Variants in GRID2 observed in about 807,000 individuals in gnomAD.
GRID2 encodes the protein glutamate receptor ionotropic, delta-2.
GRID2 carries 33 observed loss-of-function variants against 114.8 expected under a neutral mutation model. That is an observed-to-expected ratio of 0.29 (90% CI 0.22 to 0.38). The LOEUF is 0.38. Ranked by LOEUF, GRID2 falls within the 10% of genes least tolerant of loss-of-function variation. The pLI is 1.00. For synonymous variants in GRID2, 505 were observed against 449.9 expected (o/e 1.12, Z -1.55); for missense variants, 1,184 against 1,257.7 (o/e 0.94, Z 0.89).
intron 2 of GRID2, among the ~76,000 whole-genome samples, chr4:92,864,878 G>A (rs1343397641): frequency 2.0e-5 from 3 of 152,098 alleles, no homozygotes; most frequent in Admixed American, 1.3e-4. Context: ...ATTGAAAATA[G>A]CATTGCTTTA....
At chr4:92,743,645 CCT>C (rs376026020) in intron 2 of GRID2, among the ~76,000 whole-genome samples, 4 of 152,154 alleles carry the variant, frequency 2.6e-5, no homozygotes, top group African/African-American at 9.6e-5. Flanking sequence ...ATTGGATCTT[CCT>C]CTCTCAAAGA....
intron 14 of GRID2, among the ~76,000 whole-genome samples, chr4:93,644,010 T>G (rs1721861405): frequency 1.1e-5 from 1 of 91,610 alleles, no homozygotes; most frequent in South Asian, 3.6e-4. Context: ...GGATATAGTC[T>G]CGTGGTGCGC....
chr4:93,650,274 T>C (rs567432920), intron 14 of GRID2, among the ~76,000 whole-genome samples: 17 of 152,310 alleles, frequency 1.1e-4, no homozygotes, highest in African/African-American at 4.1e-4. Context: ...AATCATCAGA[T>C]GTTAACTCAA....
At chr4:92,661,950 T>C (rs1488510720) in intron 2 of GRID2, among the ~76,000 whole-genome samples, 1 of 151,082 alleles carries the variant, frequency 6.6e-6, no homozygotes, top group Non-Finnish European at 1.5e-5. Flanking sequence ...GCATCATATT[T>C]CTTTATATAG....
At chr4:92,975,037 G>A (rs1753772269) in intron 2 of GRID2, among the ~76,000 whole-genome samples, 1 of 151,478 alleles carries the variant, frequency 6.6e-6, no homozygotes, top group South Asian at 2.1e-4. Flanking sequence ...GGTGCCTGCA[G>A]TCCCAGCTCC....
At chr4:93,298,526 C>T (rs1158951258) in intron 8 of GRID2, among the ~76,000 whole-genome samples, 2 of 152,238 alleles carry the variant, frequency 1.3e-5, no homozygotes, top group African/African-American at 4.8e-5. Context: ...TTAGCACAAT[C>T]ACATTGGTGG....
At chr4:92,410,376 T>C (rs2110298956) in intron 1 of GRID2, among the ~76,000 whole-genome samples, 1 of 152,354 alleles carries the variant, frequency 6.6e-6, no homozygotes, top group South Asian at 2.1e-4. Flanking sequence ...GAACTCAGTG[T>C]CTGAGAATAT....
chr4:93,391,600 T>A (rs1764858047), intron 8 of GRID2, among the ~76,000 whole-genome samples: 1 of 152,184 alleles, frequency 6.6e-6, no homozygotes, highest in Non-Finnish European at 1.5e-5. Flanking sequence ...ACTCCTGTTA[T>A]TAAAGCCTAC....
chr4:93,242,238 A>C (rs1244387915), intron 8 of GRID2, among the ~76,000 whole-genome samples: 1 of 151,990 alleles, frequency 6.6e-6, no homozygotes, highest in Non-Finnish European at 1.5e-5. Context: ...CTGGAGGTTT[A>C]ACAACAGTGG....
At chr4:93,365,412 G>A (rs1157234222) in intron 8 of GRID2, among the ~76,000 whole-genome samples, 2 of 152,216 alleles carry the variant, frequency 1.3e-5, no homozygotes, top group East Asian at 1.9e-4. Context: ...ATGCATAGTA[G>A]GTATTCCATG....
chr4:93,424,242 G>T (rs1768621345), intron 10 of GRID2, among the ~76,000 whole-genome samples: 2 of 151,394 alleles, frequency 1.3e-5, no homozygotes, highest in South Asian at 4.2e-4. Context: ...CAGTTGCTGG[G>T]ATATAATCAC....
At chr4:92,446,582 C>G (rs1733481894) in intron 1 of GRID2, among the ~76,000 whole-genome samples, 1 of 152,184 alleles carries the variant, frequency 6.6e-6, no homozygotes, top group African/African-American at 2.4e-5. Context: ...CAATCTGAAT[C>G]CAAGCTAGCT....
Position 93,596,457 on chromosome 4 carries a change from A to G in GRID2, c.2194-29812A>G, listed in dbSNP as rs372081544. On this transcript the variant is annotated intron_variant, in intron 13 of 15. Transcript: ENST00000282020. ...GCTGGGCATGGTGGCAGGCGCCTGT[A>G]GTCCCAGCTACTCGGGAGGCTGAGG... Among the ~76,000 whole-genome samples, 7 of 152,310 alleles carry G rather than the reference A, an allele frequency of 4.6e-5. No homozygotes were observed. The South Asian group carries it at 1.2e-3, about 27-fold the overall frequency.
intron 2 of GRID2, among the ~76,000 whole-genome samples, chr4:93,006,459 T>C (rs1721537734): frequency 6.6e-6 from 1 of 151,918 alleles, no homozygotes; most frequent in South Asian, 2.1e-4. Flanking sequence ...TGTTTGAAAT[T>C]ATGTGAGACT....
chr4:93,085,387 TTCTTG>T lies in GRID2; in HGVS notation c.529+116_529+120del, dbSNP rs777695274. The T allele has an allele frequency of 1.6e-5, 14 of 856,792 alleles. No homozygotes were observed. In the East Asian group the frequency reaches 2.0e-4, roughly 12 times the overall value. The allele number at this position is 856,792 out of a possible 1,614,324, so 53.1% of individuals were successfully genotyped here. Reference sequence around the variant, plus strand: ...GTCTTACTCATTGTTATTTGTGGTTTTCTTGTCTTGTCATATTTTTCTTATAAACA... The same window carrying T: ...GTCTTACTCATTGTTATTTGTGGTTTTCTTGTCATATTTTTCTTATAAACA... On this transcript the variant is annotated intron_variant, in intron 3 of 15. Transcript: ENST00000282020.
intron 2 of GRID2, among the ~76,000 whole-genome samples, chr4:92,700,390 C>G (rs1734609595): frequency 6.6e-6 from 1 of 152,122 alleles, no homozygotes; most frequent in Admixed American, 6.5e-5. Flanking sequence ...CTACCAGACA[C>G]CTAAAATATC....
At chr4:92,725,099 G>C (rs1198169228) in intron 2 of GRID2, among the ~76,000 whole-genome samples, 1 of 152,004 alleles carries the variant, frequency 6.6e-6, no homozygotes, top group South Asian at 2.1e-4. Context: ...CTGGGAGTTC[G>C]AGACAACTCT....
At chr4:93,616,144 A>C (rs1459770690) in intron 13 of GRID2, among the ~76,000 whole-genome samples, 1 of 152,208 alleles carries the variant, frequency 6.6e-6, no homozygotes, top group African/African-American at 2.4e-5. Context: ...AAAAGTGATC[A>C]AAAATTTTAA....
chr4:93,586,312 A>C (rs758548326), intron 13 of GRID2, among the ~76,000 whole-genome samples: 10 of 152,032 alleles, frequency 6.6e-5, no homozygotes, highest in Non-Finnish European at 1.5e-4. Flanking sequence ...CCTGTCTCCT[A>C]AACTTTTCTC....
Sources: gnomAD v4.1 joint callset for allele counts (sites outside exome capture counted in the v4.1 genomes callset) on GRCh38, gnomAD v4.1.1 for gene constraint, MANE v1.5 for transcripts, NCBI Gene and HGNC (gene_info 2026-07-23, HGNC 2026-07-21) for gene names.